The following SDHB variants were observed in gnomAD, a reference collection of about 807,000 sequenced individuals.
The protein encoded by SDHB is succinate dehydrogenase complex iron sulfur subunit B.
A neutral mutation model predicts 39.7 loss-of-function variants in SDHB; 21 were observed. The ratio of observed to expected loss-of-function variants is 0.53; its 90% CI spans 0.37 to 0.76. SDHB has a LOEUF of 0.76. Among genes scored for constraint, SDHB ranks in the 30% least tolerant of loss-of-function variants. SDHB has a pLI of 0.00. For missense variants in SDHB, 343 were observed against 350.9 expected (o/e 0.98, Z 0.18); for synonymous variants, 118 against 117.0 (o/e 1.01, Z -0.06).
chr1:17,029,309 G>T (rs57129155), intron 3 of SDHB, among the ~76,000 whole-genome samples: 1 of 151,784 alleles, frequency 6.6e-6, no homozygotes, highest in African/African-American at 2.4e-5. Context: ...GACTTGCAGA[G>T]ACAGGGTTTT....
In SDHB at chr1:17,045,408, G is replaced by A. The variant is rs2101542247; in HGVS notation, c.73-520C>T. 2.6e-5 allele frequency among the ~76,000 whole-genome samples: 4 copies of A among 152,192 alleles called. No individual in the cohort carries two copies. In the South Asian group the frequency reaches 8.3e-4, roughly 32 times the overall value. ...GTGAGAGAATTGCTTGAGCCCATGA[G>A]TTTGAGAGCAGTCTGGGAAACATGG... On this transcript the variant is annotated intron_variant, in intron 1 of 7. Coordinates refer to ENST00000375499, the MANE Select transcript of SDHB (RefSeq NM_003000.3).
intron 1 of SDHB, among the ~76,000 whole-genome samples, chr1:17,051,538 G>A (rs983306917): frequency 2.0e-5 from 3 of 152,156 alleles, no homozygotes; most frequent in African/African-American, 7.2e-5. Flanking sequence ...AAAATACAAG[G>A]TGCAGGCTTG....
At chr1:17,045,698 GTTAA>G (rs1441198506) in intron 1 of SDHB, among the ~76,000 whole-genome samples, 4 of 152,148 alleles carry the variant, frequency 2.6e-5, no homozygotes, top group Non-Finnish European at 5.9e-5. Context: ...AACTCGGAAG[GTTAA>G]TTGACTAATT....
At position 17,040,611 on chromosome 1, in the gene SDHB, C is replaced by T. The variant is rs568663314; in HGVS notation, c.200+4150G>A. Among the ~76,000 whole-genome samples, 47 of 152,150 alleles carry T rather than the reference C, an allele frequency of 3.1e-4. 1 individual carries two copies. The South Asian group carries it at 4.8e-3, about 15-fold the overall frequency. ...CTAGGACTACAGGTATGTGCCACCA[C>T]GCCTGGCTAATTTTTCAAAGAAAAA... On this transcript the variant is annotated intron_variant, in intron 2 of 7. Transcript: ENST00000375499.
At chr1:17,053,363 A>G (rs1200372514) in intron 1 of SDHB, among the ~76,000 whole-genome samples, 1 of 151,990 alleles carries the variant, frequency 6.6e-6, no homozygotes, top group African/African-American at 2.4e-5. Flanking sequence ...GCTTTAAGGA[A>G]CCCAGTCTTT....
intron 1 of SDHB, among the ~76,000 whole-genome samples, chr1:17,048,450 T>C (rs754889050): frequency 8.0e-6 from 1 of 125,052 alleles, no homozygotes; most frequent in African/African-American, 2.5e-5. Flanking sequence ...GATGAACATT[T>C]GTGGACAAAT....
chr1:17,050,040 G>A (rs1358324720), intron 1 of SDHB, among the ~76,000 whole-genome samples: 3 of 152,040 alleles, frequency 2.0e-5, no homozygotes, highest in African/African-American at 7.3e-5. Flanking sequence ...CAAGGCCTGT[G>A]GGATGACTGT....
intron 2 of SDHB, among the ~76,000 whole-genome samples, chr1:17,041,995 C>T (rs2078082693): frequency 6.6e-6 from 1 of 151,876 alleles, no homozygotes; most frequent in Admixed American, 6.6e-5. Flanking sequence ...GATCTTGGCT[C>T]ACTGCAACCT....
At chr1:17,043,882 T>G (rs2078094817) in intron 2 of SDHB, among the ~76,000 whole-genome samples, 1 of 152,200 alleles carries the variant, frequency 6.6e-6, no homozygotes, top group Admixed American at 6.5e-5. Context: ...ATAGCGCAAA[T>G]GAGCAAAAAA....
At chr1:17,040,857 T>C (rs1413061969) in intron 2 of SDHB, among the ~76,000 whole-genome samples, 1 of 150,922 alleles carries the variant, frequency 6.6e-6, no homozygotes, top group Non-Finnish European at 1.5e-5. Flanking sequence ...CGGCCGGGCA[T>C]GGTGGCTCAC....
intron 1 of SDHB, among the ~76,000 whole-genome samples, chr1:17,046,609 G>T (rs1036148279): frequency 1.3e-5 from 2 of 152,092 alleles, no homozygotes; most frequent in Non-Finnish European, 2.9e-5. Flanking sequence ...GCATCATACG[G>T]TACGTAGTCT....
In SDHB at chr1:17,018,862, A is replaced by G; in HGVS notation, c.*19T>C. 6.4e-7 allele frequency: 1 copy of G among 1,573,486 alleles called. No homozygotes were observed. On this transcript the variant is annotated 3_prime_UTR_variant, in exon 8 of 8. Transcript: ENST00000375499. ...TTCAGCTCTGAGCTGGTTATAAATC[A>G]TGTTTAGCATGGAAACAGTTAAACT... is the stretch of plus-strand genomic sequence containing the variant.
At chr1:17,048,602 G>C (rs1245365989) in intron 1 of SDHB, among the ~76,000 whole-genome samples, 1 of 152,152 alleles carries the variant, frequency 6.6e-6, no homozygotes, top group East Asian at 1.9e-4. Context: ...TGTGCCTGAG[G>C]CAGATAGTAG....
chr1:17,048,773 C>T (rs879721799), intron 1 of SDHB, among the ~76,000 whole-genome samples: 15 of 151,402 alleles, frequency 9.9e-5, no homozygotes, highest in African/African-American at 1.7e-4. Context: ...TACAATGGCG[C>T]GATCTCGGCT....
intron 2 of SDHB, among the ~76,000 whole-genome samples, chr1:17,040,613 C>T (rs1490295027): frequency 2.0e-5 from 3 of 152,172 alleles, no homozygotes; most frequent in South Asian, 4.2e-4. Flanking sequence ...TGCCACCACG[C>T]CTGGCTAATT....
intron 7 of SDHB, among the ~76,000 whole-genome samples, chr1:17,020,571 G>C (rs914016779): frequency 3.2e-4 from 48 of 152,282 alleles, no homozygotes; most frequent in Middle Eastern, 3.4e-3. Context: ...ATGCACCTTA[G>C]AGTCACTCGC....
intron 2 of SDHB, among the ~76,000 whole-genome samples, chr1:17,036,666 G>A (rs980695242): frequency 1.4e-5 from 2 of 139,286 alleles, no homozygotes; most frequent in East Asian, 4.2e-4. Context: ...AGGTAAGCAG[G>A]GTTTTACATA....
chr1:17,027,128 G>A (rs1309679220), intron 5 of SDHB, among the ~76,000 whole-genome samples: 1 of 152,174 alleles, frequency 6.6e-6, no homozygotes, highest in African/African-American at 2.4e-5. Context: ...CAGGGAGTAT[G>A]CAAATCAGAG....
At chr1:17,042,557 T>C (rs1433651615) in intron 2 of SDHB, among the ~76,000 whole-genome samples, 1 of 152,130 alleles carries the variant, frequency 6.6e-6, no homozygotes, top group Non-Finnish European at 1.5e-5. Context: ...ATGGGTGGAT[T>C]GCTTGAGCCC....
Sources: allele counts gnomAD v4.1 joint callset (sites outside exome capture counted in the v4.1 genomes callset), GRCh38; gene constraint gnomAD v4.1.1; transcripts MANE v1.5; gene names NCBI Gene and HGNC (gene_info 2026-07-23, HGNC 2026-07-21).